CTNNA2: variants seen among roughly 807,000 people sequenced by gnomAD.
CTNNA2 encodes the protein catenin alpha 2.
In CTNNA2, 42 loss-of-function variants were observed where a neutral mutation model predicts 101.0. That is an observed-to-expected ratio of 0.42 (90% confidence interval 0.32 to 0.54). The LOEUF (loss-of-function observed/expected upper bound fraction) is 0.54, where lower values mean the gene tolerates loss of function less well. Among genes scored for constraint, CTNNA2 ranks in the 20% least tolerant of loss-of-function variants. The pLI, the probability that CTNNA2 is intolerant of heterozygous loss-of-function variation, is 0.14. For missense variants in CTNNA2, 871 were observed against 1,223.1 expected, an observed-to-expected ratio of 0.71 and a Z score of 4.29; for synonymous variants, 450 against 456.4, an observed-to-expected ratio of 0.99 and a Z score of 0.18.
intron 9 of CTNNA2, among the ~76,000 whole-genome samples, chr2:80,458,166 T>G (rs1378817809): frequency 6.6e-6 from 1 of 152,182 alleles, no homozygotes; most frequent in Non-Finnish European, 1.5e-5. Flanking sequence ...AAATAAACCT[T>G]CGATTTTTTT....
chr2:80,213,052 T>A (rs1473790864), intron 7 of CTNNA2, among the ~76,000 whole-genome samples: 1 of 152,208 alleles, frequency 6.6e-6, no homozygotes, highest in Non-Finnish European at 1.5e-5. Flanking sequence ...GTGGGATCAG[T>A]GGTGATATCC....
At chr2:79,990,963 G>A (rs1211119543) in intron 7 of CTNNA2, among the ~76,000 whole-genome samples, 1 of 152,136 alleles carries the variant, frequency 6.6e-6, no homozygotes, top group East Asian at 1.9e-4. Flanking sequence ...CCTGTTATTG[G>A]TCTATTCAGA....
chr2:79,550,452 G>A lies in CTNNA2; in HGVS notation c.-6+37245G>A, dbSNP rs536064062. Among the ~76,000 whole-genome samples the A allele has an allele frequency of 2.8e-4, 42 of 152,200 alleles. No homozygotes were observed. The South Asian group carries it at 8.5e-3, about 31-fold the overall frequency. On this transcript the variant is annotated intron_variant, in intron 1 of 18. Coordinates refer to ENST00000402739, the MANE Select transcript of CTNNA2 (RefSeq NM_001282597.3). ...TAGCATGTGAGGGAATCAGTATCTT[G>A]GTATTGAAAGGAGGATGTAGGCCTC...
At chr2:79,485,407 T>A (rs723933) in intron 4 of CTNNA2, among the ~76,000 whole-genome samples, 2 of 152,040 alleles carry the variant, frequency 1.3e-5, no homozygotes, top group Non-Finnish European at 2.9e-5. Context: ...TTCTACCTAG[T>A]AAATTAATGT....
chr2:79,999,171 G>A (rs1248214658), intron 7 of CTNNA2, among the ~76,000 whole-genome samples: 3 of 151,962 alleles, frequency 2.0e-5, no homozygotes, highest in Admixed American at 2.0e-4. Context: ...CTCTATCCCA[G>A]CTCACCAGCT....
chr2:80,029,187 A>T (rs1309709183), intron 7 of CTNNA2, among the ~76,000 whole-genome samples: 1 of 152,162 alleles, frequency 6.6e-6, no homozygotes, highest in Non-Finnish European at 1.5e-5. Context: ...GCATTTGAGC[A>T]TTTACTATGT....
At chr2:80,086,228 G>C (rs1440930341) in intron 7 of CTNNA2, among the ~76,000 whole-genome samples, 1 of 152,044 alleles carries the variant, frequency 6.6e-6, no homozygotes, top group Non-Finnish European at 1.5e-5. Flanking sequence ...TTAAAACAAG[G>C]ACAAGTATTT....
At chr2:79,552,235 C>T (rs1364847973) in intron 1 of CTNNA2, among the ~76,000 whole-genome samples, 2 of 152,166 alleles carry the variant, frequency 1.3e-5, no homozygotes, top group African/African-American at 4.8e-5. Context: ...CTACAGGCCC[C>T]ATGCAAGTCT....
chr2:79,860,170 G>A (rs371921894), intron 4 of CTNNA2, among the ~76,000 whole-genome samples: 1 of 152,164 alleles, frequency 6.6e-6, no homozygotes, highest in Non-Finnish European at 1.5e-5. Flanking sequence ...GTTAGTCTCC[G>A]AAGGCGATAT....
At chr2:79,578,207 A>G (rs1675915879) in intron 1 of CTNNA2, among the ~76,000 whole-genome samples, 1 of 152,088 alleles carries the variant, frequency 6.6e-6, no homozygotes. Flanking sequence ...CTGTTTAGAT[A>G]TTTGGTGTGT....
intron 8 of CTNNA2, among the ~76,000 whole-genome samples, chr2:80,415,780 G>A (rs892520575): frequency 6.6e-6 from 1 of 152,060 alleles, no homozygotes; most frequent in African/African-American, 2.4e-5. Flanking sequence ...AATCAACCAA[G>A]TATCCACTGA....
chr2:79,320,260 A>ATTTT (rs34694986), intron 3 of CTNNA2, among the ~76,000 whole-genome samples: 12 of 119,780 alleles, frequency 1.0e-4, no homozygotes, highest in African/African-American at 1.9e-4. Flanking sequence ...TTACGTTTCA[A>ATTTT]TTTTTTTTTT....
At chr2:80,269,723 C>G (rs1161929270) in intron 7 of CTNNA2, among the ~76,000 whole-genome samples, 1 of 152,128 alleles carries the variant, frequency 6.6e-6, no homozygotes, top group Non-Finnish European at 1.5e-5. Flanking sequence ...CTGCTTAAAA[C>G]AGAAAATTCT....
intron 2 of CTNNA2, among the ~76,000 whole-genome samples, chr2:79,684,936 G>C (rs1237413086): frequency 6.6e-6 from 1 of 152,028 alleles, no homozygotes; most frequent in Non-Finnish European, 1.5e-5. Flanking sequence ...ATCATGAGCT[G>C]GGAAATTCTT....
intron 3 of CTNNA2, among the ~76,000 whole-genome samples, chr2:79,826,639 T>C (rs565754022): frequency 6.6e-6 from 1 of 152,336 alleles, no homozygotes; most frequent in African/African-American, 2.4e-5. Flanking sequence ...AAAATGTATG[T>C]ATGTTTGCAT....
At chr2:79,837,259 G>A (rs1232677726) in intron 3 of CTNNA2, among the ~76,000 whole-genome samples, 1 of 152,148 alleles carries the variant, frequency 6.6e-6, no homozygotes, top group Non-Finnish European at 1.5e-5. Context: ...ATGTTTGAGG[G>A]CAGGAAGCGT....
chr2:79,816,873 A>C (rs961338622), intron 3 of CTNNA2, among the ~76,000 whole-genome samples: 2 of 152,208 alleles, frequency 1.3e-5, no homozygotes, highest in Non-Finnish European at 2.9e-5. Flanking sequence ...CCTAGCTGGC[A>C]AAAGAGCATC....
Position 80,443,604 on chromosome 2 carries a change from T to C in CTNNA2, c.1290+24003T>C, listed in dbSNP as rs535549976. 1.2e-4 allele frequency among the ~76,000 whole-genome samples: 18 copies of C among 152,268 alleles called. 1 individual carries two copies. The South Asian group carries it at 3.3e-3, about 28-fold the overall frequency. ...GTGTGTGGTTAAGTGTAGAATGCCC[T>C]GGAATTGGGCTCTCAGAGCTATAAA... On this transcript the variant is annotated intron_variant, in intron 9 of 18. Coordinates refer to ENST00000402739, the MANE Select transcript of CTNNA2 (RefSeq NM_001282597.3).
At chr2:80,013,329 A>T (rs1693916064) in intron 7 of CTNNA2, among the ~76,000 whole-genome samples, 2 of 152,178 alleles carry the variant, frequency 1.3e-5, no homozygotes, top group Admixed American at 6.5e-5. Flanking sequence ...CATTACATTT[A>T]TTCAAAACAG....
Sources: allele counts gnomAD v4.1 joint callset (sites outside exome capture counted in the v4.1 genomes callset), GRCh38; gene constraint gnomAD v4.1.1; transcripts MANE v1.5; gene names NCBI Gene and HGNC (gene_info 2026-07-23, HGNC 2026-07-21).